The following NTN1 variants were observed in gnomAD, a reference collection of about 807,000 sequenced individuals.
The protein encoded by NTN1 is netrin 1, also known as netrin-1.
A neutral mutation model predicts 54.2 loss-of-function variants in NTN1; 11 were observed. That is an observed-to-expected ratio of 0.20 (90% CI 0.13 to 0.34). The LOEUF (loss-of-function observed/expected upper bound fraction) is 0.34. NTN1 is among the 10% of genes least tolerant of loss of function. The pLI is 1.00. For synonymous variants in NTN1, 371 were observed against 382.0 expected (o/e 0.97, Z 0.33); for missense variants, 740 against 893.1 (o/e 0.83, Z 2.18).
rs761103422 is a variant in NTN1, at chr17:9,242,586, C to G, written c.*2618C>G. On this transcript the variant is annotated 3_prime_UTR_variant, in exon 7 of 7. Transcript: ENST00000173229. Reference sequence around the variant, plus strand: ...ACACGCCAAGCAACAAGGCATCTTGCGGAAAATTCAGCCAGTGTCCTGCCC... The same window carrying G: ...ACACGCCAAGCAACAAGGCATCTTGGGGAAAATTCAGCCAGTGTCCTGCCC... 6.6e-6 allele frequency: 1 copy of G among 152,326 alleles called. No individual in the cohort carries two copies. Among genetic ancestry groups the G allele is most frequent in the Non-Finnish European group, 1.5e-5 (1 of 68,108 alleles). 9.4% of individuals were successfully genotyped at this position (152,326 alleles called of 1,614,324 possible).
chr17:9,231,508 C>T (rs1049814463), intron 6 of NTN1, among the ~76,000 whole-genome samples: 1 of 152,228 alleles, frequency 6.6e-6, no homozygotes, highest in East Asian at 1.9e-4. Flanking sequence ...CGAGCCAAGT[C>T]CCGTGTGTAG....
At chr17:9,029,719 C>G in intron 2 of NTN1, among the ~76,000 whole-genome samples, 1 of 152,182 alleles carries the variant, frequency 6.6e-6, no homozygotes, top group East Asian at 1.9e-4. Flanking sequence ...ATTGGCCGGG[C>G]GCGGTGGCTC....
intron 2 of NTN1, among the ~76,000 whole-genome samples, chr17:9,089,759 C>T (rs780279155): frequency 5.3e-5 from 8 of 152,140 alleles, no homozygotes; most frequent in East Asian, 1.9e-4. Context: ...GCTTTTCGTT[C>T]GCAGCCGCAG....
At chr17:9,097,364 C>T (rs2092135237) in intron 2 of NTN1, among the ~76,000 whole-genome samples, 1 of 152,158 alleles carries the variant, frequency 6.6e-6, no homozygotes, top group African/African-American at 2.4e-5. Flanking sequence ...GTGGCTCAAG[C>T]CTATAATCCC....
chr17:9,122,796 C>G (rs919355294), intron 2 of NTN1, among the ~76,000 whole-genome samples: 1 of 152,180 alleles, frequency 6.6e-6, no homozygotes, highest in African/African-American at 2.4e-5. Flanking sequence ...GCGTATGTTT[C>G]CACTATATGC....
At chr17:9,088,148 G>C (rs1278202973) in intron 2 of NTN1, among the ~76,000 whole-genome samples, 1 of 152,234 alleles carries the variant, frequency 6.6e-6, no homozygotes, top group Non-Finnish European at 1.5e-5. Context: ...CACCCAGTGG[G>C]GACAGGCAGG....
intron 2 of NTN1, among the ~76,000 whole-genome samples, chr17:9,084,365 C>G (rs1216848242): frequency 3.3e-5 from 5 of 152,162 alleles, no homozygotes; most frequent in African/African-American, 1.2e-4. Flanking sequence ...TAAAAAGAGG[C>G]TGCTTTGTCT....
intron 3 of NTN1, among the ~76,000 whole-genome samples, chr17:9,163,818 A>G (rs1421648399): frequency 1.3e-5 from 2 of 152,196 alleles, no homozygotes; most frequent in Non-Finnish European, 2.9e-5. Context: ...TCTTTTGGGA[A>G]TTCCAGGAAC....
At chr17:9,008,838 A>G in the NTN1 span, among the ~76,000 whole-genome samples, 1 of 152,088 alleles carries the variant, frequency 6.6e-6, no homozygotes, top group Non-Finnish European at 1.5e-5. Context: ...AACGGAGGGG[A>G]CTATGTCTGA....
intron 6 of NTN1, among the ~76,000 whole-genome samples, chr17:9,225,858 C>T (rs939085869): frequency 6.6e-6 from 1 of 152,242 alleles, no homozygotes. Context: ...CTAATGAGAA[C>T]CTGGGGTTTG....
chr17:9,137,332 G>A (rs913979639), intron 2 of NTN1, among the ~76,000 whole-genome samples: 7 of 152,176 alleles, frequency 4.6e-5, no homozygotes, highest in African/African-American at 1.4e-4. Context: ...CTGGTGGGCA[G>A]TGACTGTCTG....
At chr17:9,136,925 A>T (rs1486629047) in intron 2 of NTN1, among the ~76,000 whole-genome samples, 1 of 152,198 alleles carries the variant, frequency 6.6e-6, no homozygotes, top group East Asian at 1.9e-4. Context: ...CTTGACAGTC[A>T]GCCCCCATCA....
At chr17:9,016,350 TC>T in the NTN1 span, among the ~76,000 whole-genome samples, 43,522 of 151,842 alleles carry the variant, frequency 0.29, 6,369 homozygotes, top group South Asian at 0.41. Context: ...ACAGCAGAAG[TC>T]CCCCTCTTAT....
intron 2 of NTN1, among the ~76,000 whole-genome samples, chr17:9,032,881 G>A (rs1226292017): frequency 6.6e-6 from 1 of 151,962 alleles, no homozygotes; most frequent in African/African-American, 2.4e-5. Context: ...GAGAATTCAC[G>A]GTGAGAAAGT....
intron 2 of NTN1, among the ~76,000 whole-genome samples, chr17:9,090,515 CTCTG>C (rs2092106598): frequency 6.6e-6 from 1 of 152,212 alleles, no homozygotes; most frequent in African/African-American, 2.4e-5. Flanking sequence ...GGTAAGGACT[CTCTG>C]TGACTCACTA....
At chr17:9,226,034 A>AT (rs1905528780) in intron 6 of NTN1, among the ~76,000 whole-genome samples, 1 of 151,756 alleles carries the variant, frequency 6.6e-6, no homozygotes, top group South Asian at 2.1e-4. Context: ...GTGGGGGCCC[A>AT]TGAGAAGGGG....
intron 2 of NTN1, among the ~76,000 whole-genome samples, chr17:9,055,404 G>A (rs1418646259): frequency 6.6e-6 from 1 of 152,216 alleles, no homozygotes; most frequent in Non-Finnish European, 1.5e-5. Flanking sequence ...GGGTTGAGCA[G>A]CAGAAGTAAA....
chr17:9,181,096 G>A (rs1860284), intron 4 of NTN1, among the ~76,000 whole-genome samples: 25,052 of 152,164 alleles, frequency 0.16, 2,487 homozygotes, highest in African/African-American at 0.27. Flanking sequence ...ACGAGAGCTG[G>A]TGTTTCTGAA....
intron 2 of NTN1, among the ~76,000 whole-genome samples, chr17:9,103,369 A>G (rs1218829099): frequency 3.3e-5 from 5 of 152,156 alleles, no homozygotes; most frequent in Non-Finnish European, 4.4e-5. Context: ...TGTAGTTCCC[A>G]TAATCCCCAT....
Sources: allele counts gnomAD v4.1 joint callset (sites outside exome capture counted in the v4.1 genomes callset), GRCh38; gene constraint gnomAD v4.1.1; transcripts MANE v1.5; gene names NCBI Gene and HGNC (gene_info 2026-07-23, HGNC 2026-07-21).